The following GPM6A variants were observed in gnomAD, a reference collection of about 807,000 sequenced individuals.
The protein encoded by GPM6A is neuronal membrane glycoprotein M6-a.
In GPM6A, 7 loss-of-function variants were observed where a neutral mutation model predicts 32.1. That is an observed-to-expected ratio of 0.22 (90% CI 0.12 to 0.41). The LOEUF (loss-of-function observed/expected upper bound fraction) is 0.41, where lower values mean the gene tolerates loss of function less well. Ranked by LOEUF, GPM6A falls within the 10% of genes least tolerant of loss-of-function variation. The pLI is 1.00. For missense variants in GPM6A, 235 were observed against 347.2 expected (o/e 0.68, Z 2.57); for synonymous variants, 130 against 123.4 (o/e 1.05, Z -0.35).
chr4:175,660,209 C>T (rs1467215598), intron 3 of GPM6A, among the ~76,000 whole-genome samples: 1 of 151,970 alleles, frequency 6.6e-6, no homozygotes, highest in Non-Finnish European at 1.5e-5. Context: ...ACCAGCCTGA[C>T]CAACATGTTG....
intron 1 of GPM6A, among the ~76,000 whole-genome samples, chr4:175,950,277 T>A (rs1229309948): frequency 1.3e-5 from 2 of 152,190 alleles, no homozygotes; most frequent in Non-Finnish European, 2.9e-5. Flanking sequence ...AGAGTCTCAA[T>A]GAGACATAAT....
chr4:175,881,825 A>G (rs1014426937), intron 1 of GPM6A, among the ~76,000 whole-genome samples: 1 of 151,466 alleles, frequency 6.6e-6, no homozygotes, highest in Admixed American at 6.6e-5. Context: ...GGAACATCAC[A>G]CACTGGGGCC....
intron 1 of GPM6A, among the ~76,000 whole-genome samples, chr4:175,889,214 A>G (rs1363343395): frequency 1.3e-5 from 2 of 152,222 alleles, no homozygotes; most frequent in Admixed American, 6.5e-5. Flanking sequence ...TAATTTTGTC[A>G]TTAGAATAGA....
chr4:175,983,585 A>T (rs1740879506), intron 1 of GPM6A, among the ~76,000 whole-genome samples: 1 of 152,186 alleles, frequency 6.6e-6, no homozygotes, highest in South Asian at 2.1e-4. Context: ...AATTACACTA[A>T]TTAAATTTCA....
intron 1 of GPM6A, among the ~76,000 whole-genome samples, chr4:175,965,400 T>G (rs1290501596): frequency 6.6e-6 from 1 of 151,950 alleles, no homozygotes; most frequent in Non-Finnish European, 1.5e-5. Context: ...AAGAGCAAAC[T>G]AACTCTAAAG....
chr4:175,973,013 C>T (rs1740555532), intron 1 of GPM6A, among the ~76,000 whole-genome samples: 1 of 152,218 alleles, frequency 6.6e-6, no homozygotes, highest in South Asian at 2.1e-4. Flanking sequence ...TCTCACAATG[C>T]TATGTCAATG....
At chr4:175,950,580 G>A (rs1225516673) in intron 1 of GPM6A, among the ~76,000 whole-genome samples, 2 of 152,090 alleles carry the variant, frequency 1.3e-5, no homozygotes, top group African/African-American at 4.8e-5. Context: ...GTAGCTTTGG[G>A]GGAGTTTTTA....
chr4:175,769,529 C>T (rs372076628), intron 1 of GPM6A, among the ~76,000 whole-genome samples: 1 of 152,096 alleles, frequency 6.6e-6, no homozygotes. Context: ...CCCCCTGTGA[C>T]TCATATGTGC....
chr4:175,949,243 T>A (rs1739720643), intron 1 of GPM6A, among the ~76,000 whole-genome samples: 1 of 152,188 alleles, frequency 6.6e-6, no homozygotes, highest in Non-Finnish European at 1.5e-5. Context: ...GCAATGAAAA[T>A]ATGTATATCC....
intron 1 of GPM6A, among the ~76,000 whole-genome samples, chr4:175,978,832 T>C (rs764400668): frequency 1.3e-5 from 2 of 152,196 alleles, no homozygotes; most frequent in African/African-American, 2.4e-5. Context: ...GTGAGTCTGA[T>C]GCATTAGTGA....
intron 1 of GPM6A, among the ~76,000 whole-genome samples, chr4:175,703,678 T>G (rs113842058): frequency 6.6e-6 from 1 of 152,240 alleles, no homozygotes; most frequent in Non-Finnish European, 1.5e-5. Flanking sequence ...GCTAGATATC[T>G]TCTAAGAAAT....
At chr4:175,948,389 G>A (rs1299182744) in intron 1 of GPM6A, among the ~76,000 whole-genome samples, 4 of 152,124 alleles carry the variant, frequency 2.6e-5, no homozygotes, top group African/African-American at 9.7e-5. Flanking sequence ...GGCCATCTGT[G>A]GGCCGGGAGG....
At chr4:175,763,664 A>G (rs1251252905) in intron 1 of GPM6A, among the ~76,000 whole-genome samples, 1 of 152,168 alleles carries the variant, frequency 6.6e-6, no homozygotes, top group Non-Finnish European at 1.5e-5. Context: ...GGAATAGAAC[A>G]TTGTACGTGT....
chr4:175,964,130 C>T (rs1372370588), intron 1 of GPM6A, among the ~76,000 whole-genome samples: 2 of 151,458 alleles, frequency 1.3e-5, no homozygotes, highest in Non-Finnish European at 2.9e-5. Context: ...AAACAAAGAG[C>T]AGGGGCAACA....
In GPM6A at chr4:175,804,918, G is replaced by A. The variant is rs185357078; in HGVS notation, c.37+7273C>T. Among the ~76,000 whole-genome samples the A allele has an allele frequency of 3.7e-3, 565 of 152,128 alleles. 23 individuals are homozygous for A. Among genetic ancestry groups the A allele is most frequent in the Admixed American group, 0.034 (519 of 15,270 alleles). On this transcript the variant is annotated intron_variant, in intron 1 of 6. Coordinates refer to ENST00000393658, the MANE Select transcript of GPM6A (RefSeq NM_201591.3). ...AAATTAGCTGGGTGTGGTGGCGGGCGCCTGTAGTCCCAGCTATTCGGGAGG... is the reference window on the plus strand; with the variant it reads ...AAATTAGCTGGGTGTGGTGGCGGGCACCTGTAGTCCCAGCTATTCGGGAGG...
chr4:175,851,588 T>C (rs1427042534), intron 1 of GPM6A, among the ~76,000 whole-genome samples: 1 of 151,066 alleles, frequency 6.6e-6, no homozygotes, highest in East Asian at 1.9e-4. Context: ...GAGGGAAGAG[T>C]ACCTAGTTCT....
chr4:175,730,061 T>C (rs1421599008), intron 1 of GPM6A, among the ~76,000 whole-genome samples: 1 of 151,580 alleles, frequency 6.6e-6, no homozygotes, highest in Non-Finnish European at 1.5e-5. Context: ...TCACATTGGC[T>C]TCCAACTATT....
At chr4:175,688,105 C>T (rs2333257) in intron 2 of GPM6A, among the ~76,000 whole-genome samples, 25,138 of 151,972 alleles carry the variant, frequency 0.17, 2,696 homozygotes, top group Non-Finnish European at 0.23. Flanking sequence ...AATTCCTTAC[C>T]AGATAAACAG....
chr4:175,692,207 T>C (rs1744337401), intron 2 of GPM6A, among the ~76,000 whole-genome samples: 1 of 152,136 alleles, frequency 6.6e-6, no homozygotes. Context: ...ATAATGATAA[T>C]ATTATGTAAT....
Sources: allele counts gnomAD v4.1 joint callset (sites outside exome capture counted in the v4.1 genomes callset), GRCh38; gene constraint gnomAD v4.1.1; transcripts MANE v1.5; gene names NCBI Gene and HGNC (gene_info 2026-07-23, HGNC 2026-07-21).